The following SEPTIN14 variants were observed in gnomAD, a reference collection of about 807,000 sequenced individuals.
The protein encoded by SEPTIN14 is septin-14.
Under a neutral mutation model 53.6 loss-of-function variants are expected in SEPTIN14, and 40 were observed. The observed-to-expected ratio is 0.75, with a 90% confidence interval of 0.58 to 0.97. SEPTIN14 has a LOEUF of 0.97. Ranked by LOEUF, SEPTIN14 falls within the 50% of genes least tolerant of loss-of-function variation. SEPTIN14 has a pLI of 0.00. For missense variants in SEPTIN14, 471 were observed against 508.2 expected (o/e 0.93, Z 0.70); for synonymous variants, 138 against 166.8 (o/e 0.83, Z 1.33).
chr7:55,803,921 G>C (rs1202257135), intron 9 of SEPTIN14, among the ~76,000 whole-genome samples: 3 of 149,636 alleles, frequency 2.0e-5, no homozygotes, highest in Non-Finnish European at 4.4e-5. Context: ...TCAGGAGATC[G>C]AGATCATCCT....
chr7:55,849,183 G>A (rs530541934), intron 2 of SEPTIN14, among the ~76,000 whole-genome samples: 86 of 151,698 alleles, frequency 5.7e-4, no homozygotes, highest in Non-Finnish European at 9.3e-4. Context: ...AAATGAACCC[G>A]GCATGGTGGC....
chr7:55,838,946 G>T (rs969643632), intron 5 of SEPTIN14, among the ~76,000 whole-genome samples: 16 of 152,186 alleles, frequency 1.1e-4, no homozygotes, highest in Non-Finnish European at 1.3e-4. Context: ...TAAATTGCAT[G>T]CAATTCTAAA....
At chr7:55,846,065 G>GTGTATATATATATA (rs1789398723) in intron 3 of SEPTIN14, among the ~76,000 whole-genome samples, 1 of 39,746 alleles carries the variant, frequency 2.5e-5, no homozygotes, top group African/African-American at 7.3e-5. Flanking sequence ...AAAAAAAAAA[G>GTGTATATATATATA]TATATATATA....
At chr7:55,810,847 C>A in intron 7 of SEPTIN14, 2 of 304,752 alleles carry the variant, frequency 6.6e-6, no homozygotes, top group South Asian at 3.1e-5. Flanking sequence ...ACCCTCGAGT[C>A]AAACCTGGGT....
In SEPTIN14 at chr7:55,810,867, G is replaced by A. The variant is rs1486277316; in HGVS notation, c.818-3609C>T. 9 of 318,804 alleles carry A rather than the reference G, an allele frequency of 2.8e-5. No homozygotes were observed. In the Admixed American group the frequency reaches 3.3e-4, roughly 12 times the overall value. 19.7% of individuals were successfully genotyped at this position (318,804 alleles called of 1,614,324 possible). ...CGAGTCAAACCTGGGTGTCAGGCCT[G>A]GAGTTGGCTTCACTATGGACACATC... is the stretch of plus-strand genomic sequence containing the variant. On this transcript the variant is annotated intron_variant, in intron 7 of 9. Coordinates refer to ENST00000388975, the MANE Select transcript of SEPTIN14 (RefSeq NM_207366.3).
intron 9 of SEPTIN14, among the ~76,000 whole-genome samples, chr7:55,804,129 C>T (rs1158704317): frequency 1.0e-5 from 1 of 97,468 alleles, no homozygotes; most frequent in East Asian, 3.8e-4. Flanking sequence ...GAGCAAGACT[C>T]TGTCTAAAAA....
intron 9 of SEPTIN14, 124 bp downstream of exon 9, chr7:55,805,134 A>G: frequency 1.2e-6 from 1 of 811,546 alleles, no homozygotes; most frequent in East Asian, 2.7e-5. Context: ...CATGGTAAAA[A>G]GCTACTTTTT....
chr7:55,847,327 C>T (rs1014721708), intron 2 of SEPTIN14, among the ~76,000 whole-genome samples: 1 of 151,884 alleles, frequency 6.6e-6, no homozygotes, highest in East Asian at 1.9e-4. Flanking sequence ...CTTTAACATC[C>T]TTTCATTCTG....
At chr7:55,836,737 T>TCAACAA (rs58358966) in intron 5 of SEPTIN14, among the ~76,000 whole-genome samples, 1 of 151,908 alleles carries the variant, frequency 6.6e-6, no homozygotes, top group Non-Finnish European at 1.5e-5. Context: ...AAACTCCGTC[T>TCAACAA]CAACAACAAC....
At chr7:55,850,437 C>T (rs1246562320) in intron 2 of SEPTIN14, among the ~76,000 whole-genome samples, 1 of 152,014 alleles carries the variant, frequency 6.6e-6, no homozygotes, top group Non-Finnish European at 1.5e-5. Context: ...ACCATGCACT[C>T]CAGCCTGGGC....
At chr7:55,861,569 A>G (rs1262300420) in intron 2 of SEPTIN14, among the ~76,000 whole-genome samples, 1 of 152,052 alleles carries the variant, frequency 6.6e-6, no homozygotes, top group Admixed American at 6.6e-5. Flanking sequence ...CCATCCAACC[A>G]TTTGCTAAAA....
At chr7:55,841,121 C>T (rs1789304725) in intron 5 of SEPTIN14, among the ~76,000 whole-genome samples, 1 of 152,118 alleles carries the variant, frequency 6.6e-6, no homozygotes, top group Non-Finnish European at 1.5e-5. Context: ...ATTGGCCAGG[C>T]TGGTCTTGAA....
intron 9 of SEPTIN14, among the ~76,000 whole-genome samples, chr7:55,803,420 C>T (rs1788555572): frequency 6.6e-6 from 1 of 151,096 alleles, no homozygotes; most frequent in South Asian, 2.1e-4. Context: ...TAAGTATTTA[C>T]AAAAAAAGGT....
At chr7:55,800,427 C>A in intron 9 of SEPTIN14, among the ~76,000 whole-genome samples, 1 of 152,142 alleles carries the variant, frequency 6.6e-6, no homozygotes. Flanking sequence ...AGTTTGAGAC[C>A]AGCCTGGCCA....
At chr7:55,857,621 G>C (rs1289985996) in intron 2 of SEPTIN14, among the ~76,000 whole-genome samples, 1 of 105,402 alleles carries the variant, frequency 9.5e-6, no homozygotes, top group African/African-American at 3.8e-5. Context: ...ACGGAGTCTC[G>C]CTGTCGCCCA....
chr7:55,847,773 T>C (rs1251336474), intron 2 of SEPTIN14, among the ~76,000 whole-genome samples: 1 of 152,198 alleles, frequency 6.6e-6, no homozygotes. Context: ...TGAGGACTTG[T>C]GTTATATCGA....
At chr7:55,806,325 C>A (rs145375089) in intron 8 of SEPTIN14, among the ~76,000 whole-genome samples, 1 of 151,558 alleles carries the variant, frequency 6.6e-6, no homozygotes, top group South Asian at 2.1e-4. Flanking sequence ...AGAGCAAACA[C>A]CTGCTCTCAA....
intron 2 of SEPTIN14, among the ~76,000 whole-genome samples, chr7:55,857,038 C>G (rs2116081161): frequency 6.6e-6 from 1 of 151,462 alleles, no homozygotes; most frequent in South Asian, 2.1e-4. Context: ...CCACTGCACT[C>G]CCGCCTGGGT....
chr7:55,861,424 C>A (rs1789747172), intron 2 of SEPTIN14, among the ~76,000 whole-genome samples: 1 of 151,942 alleles, frequency 6.6e-6, no homozygotes, highest in Non-Finnish European at 1.5e-5. Context: ...ATCACTTGAA[C>A]CCAGGAGGCA....
Sources: gnomAD v4.1 joint callset for allele counts (sites outside exome capture counted in the v4.1 genomes callset) on GRCh38, gnomAD v4.1.1 for gene constraint, MANE v1.5 for transcripts, NCBI Gene and HGNC (gene_info 2026-07-23, HGNC 2026-07-21) for gene names.